Variants in POSTN observed in about 807,000 individuals in gnomAD.
POSTN encodes the protein osteoblast specific factor 2 (fasciclin I-like).
POSTN carries 71 observed loss-of-function variants against 104.5 expected under a neutral mutation model. That is an observed-to-expected ratio of 0.68 (90% CI 0.56 to 0.83). The LOEUF is 0.83. Ranked by LOEUF, POSTN falls within the 40% of genes least tolerant of loss-of-function variation. POSTN has a pLI of 0.00. For missense variants in POSTN, 949 were observed against 1,006.8 expected (o/e 0.94, Z 0.78); for synonymous variants, 355 against 340.7 (o/e 1.04, Z -0.46).
At position 37,577,692 on chromosome 13, in the gene POSTN, T is replaced by A. The variant is rs1950448566; in HGVS notation, c.2008+61A>T. On this transcript the variant is annotated intron_variant, in intron 16 of 22. Coordinates refer to ENST00000379747, the MANE Select transcript of POSTN (RefSeq NM_006475.3). ...AATAATCTCTGTAAATACAAAGAAA[T>A]GTATTGTTTTCTTTTTTCATACCTT... 5.0e-6 allele frequency: 8 copies of A among 1,586,282 alleles called. No homozygotes were observed. The South Asian group carries it at 8.1e-5, about 16-fold the overall frequency.
At chr13:37,574,278 A>C (rs1950342695) in intron 17 of POSTN, among the ~76,000 whole-genome samples, 1 of 151,728 alleles carries the variant, frequency 6.6e-6, no homozygotes, top group African/African-American at 2.4e-5. Flanking sequence ...AAGTAAAAAA[A>C]ACTCATGTCT....
At chr13:37,567,751 T>C (rs1189788143) in intron 21 of POSTN, among the ~76,000 whole-genome samples, 1 of 152,180 alleles carries the variant, frequency 6.6e-6, no homozygotes, top group Non-Finnish European at 1.5e-5. Context: ...AAGGAGTTCA[T>C]TAACTAAAAA....
chr13:37,589,815 A>G (rs1359334344), intron 4 of POSTN, among the ~76,000 whole-genome samples: 1 of 152,180 alleles, frequency 6.6e-6, no homozygotes, highest in Non-Finnish European at 1.5e-5. Flanking sequence ...AGTTTTATAG[A>G]TTCGGAAATT....
intron 17 of POSTN, among the ~76,000 whole-genome samples, chr13:37,573,466 T>A (rs1950313153): frequency 6.6e-6 from 1 of 151,388 alleles, no homozygotes; most frequent in African/African-American, 2.4e-5. Context: ...CAAGAATAAA[T>A]ACTAATATAG....
intron 2 of POSTN, among the ~76,000 whole-genome samples, chr13:37,595,335 G>A (rs1197787514): frequency 6.6e-6 from 1 of 152,174 alleles, no homozygotes; most frequent in Non-Finnish European, 1.5e-5. Context: ...GCATGGCAGA[G>A]ATCATTGTAA....
At position 37,592,174 on chromosome 13, in the gene POSTN, G is replaced by A. The variant is rs375366802; in HGVS notation, c.219-10C>T. 7.4e-6 allele frequency: 11 copies of A among 1,483,182 alleles called. No homozygotes were observed. The highest frequency in any genetic ancestry group is 1.8e-4 in the Middle Eastern group (1 of 5,442). 91.9% of individuals were successfully genotyped at this position (1,483,182 alleles called of 1,614,324 possible). A position where few individuals can be genotyped will look rare whatever the true frequency, so the allele number is the denominator to read the frequency against. ...TTCATATAACACAGTCCTGTACATA[G>A]GAAGAAAATTAATATTAAAATGAGA... On this transcript the variant is annotated splice_polypyrimidine_tract_variant and intron_variant, in intron 2 of 22. Coordinates refer to ENST00000379747, the MANE Select transcript of POSTN (RefSeq NM_006475.3).
Position 37,590,407 on chromosome 13 carries a change from CA to C in POSTN, c.405del (p.Phe135LeufsTer23), listed in dbSNP as rs1566033072. ...EIEGKGSFTY[F>X]APSNEAWDNL... ...TTGTCCCAAGCCTCATTACTCGGTG[CA>C]AAGTAAGTGAAGGATCCCTTTCCCT... On this transcript the variant is annotated frameshift_variant, in exon 4 of 23. Coordinates refer to ENST00000379747, the MANE Select transcript of POSTN (RefSeq NM_006475.3). LOFTEE classifies it high-confidence loss of function. 1 of 1,602,608 alleles carries C rather than the reference CA, an allele frequency of 6.2e-7. No homozygotes were observed. The highest frequency in any genetic ancestry group is 8.5e-7 in the Non-Finnish European group (1 of 1,173,670).
intron 17 of POSTN, 40 bp downstream of exon 17, chr13:37,574,532 T>C (rs769926643): frequency 1.6e-4 from 253 of 1,551,594 alleles, no homozygotes; most frequent in Non-Finnish European, 2.1e-4. Context: ...TTACAGATGT[T>C]TTTACTATAA....
chr13:37,596,204 A>T (rs1304607078), intron 2 of POSTN, among the ~76,000 whole-genome samples: 2 of 152,206 alleles, frequency 1.3e-5, no homozygotes, highest in African/African-American at 4.8e-5. Context: ...TGATGTATTA[A>T]GCAGGTTCTT....
rs116330002 is a variant in POSTN at position 37,582,574 on chromosome 13, C to T, written c.1244-60G>A. On this transcript the variant is annotated intron_variant, in intron 9 of 22. Transcript: ENST00000379747. ...TATTTAGAAAACATTGAAGTTTCTC[C>T]CGGTAAGACAGAATCATATAAACAG... 472 of 1,419,870 alleles carry T rather than the reference C, an allele frequency of 3.3e-4. 1 individual carries two copies. The African/African-American group carries it at 6.3e-3, about 19-fold the overall frequency. 88.0% of individuals were successfully genotyped at this position (1,419,870 alleles called of 1,614,324 possible).
At chr13:37,583,403 A>T (rs1193924705) in intron 9 of POSTN, among the ~76,000 whole-genome samples, 1 of 151,336 alleles carries the variant, frequency 6.6e-6, no homozygotes, top group South Asian at 2.1e-4. Context: ...TGGAAATATT[A>T]GATTCACAGA....
chr13:37,573,301 A>T (rs182973022), intron 17 of POSTN, among the ~76,000 whole-genome samples: 132 of 151,628 alleles, frequency 8.7e-4, no homozygotes, highest in Non-Finnish European at 3.0e-5. Context: ...ATGATCAAGG[A>T]ACATTTTTTC....
intron 17 of POSTN, 24 bp downstream of exon 17, chr13:37,574,548 A>G (rs373246380): frequency 6.4e-7 from 1 of 1,571,720 alleles, no homozygotes; most frequent in Non-Finnish European, 8.6e-7. Context: ...TATAAAAGGA[A>G]CCATGTATAA....
In POSTN at chr13:37,587,837, GTTA is replaced by G. The variant is rs1950793797; in HGVS notation, c.588_590del (p.Asn197del). 6.3e-7 allele frequency: 1 copy of G among 1,599,692 alleles called. No homozygotes were observed. The highest frequency in any genetic ancestry group is 1.1e-5 in the South Asian group (1 of 89,880). On this transcript the variant is annotated inframe_deletion, in exon 5 of 23. Coordinates refer to ENST00000379747, the MANE Select transcript of POSTN (RefSeq NM_006475.3). ...TAAAACTTACCCCATTAGGATAATGGTTAATGAAAAGCCCCAAATTGTTATACA... is the reference window on the plus strand; with the variant it reads ...TAAAACTTACCCCATTAGGATAATGGATGAAAAGCCCCAAATTGTTATACA...
At chr13:37,570,134 G>T (rs956549515) in intron 19 of POSTN, among the ~76,000 whole-genome samples, 1 of 151,980 alleles carries the variant, frequency 6.6e-6, no homozygotes, top group African/African-American at 2.4e-5. Context: ...CCAACTGGAC[G>T]CTAGTTTGGA....
chr13:37,588,199 G>C, intron 4 of POSTN, among the ~76,000 whole-genome samples: 1 of 152,050 alleles, frequency 6.6e-6, no homozygotes, highest in East Asian at 1.9e-4. Flanking sequence ...ATGTGATACA[G>C]TACTTAGAAC....
intron 21 of POSTN, among the ~76,000 whole-genome samples, chr13:37,566,140 T>C (rs1396264007): frequency 6.6e-6 from 1 of 152,186 alleles, no homozygotes; most frequent in Non-Finnish European, 1.5e-5. Flanking sequence ...GCTTGATTAA[T>C]GTGTAGAAAA....
chr13:37,586,875 A>G lies in POSTN; in HGVS notation c.660T>C (p.Asn220=). Residue 220 remains asparagine (N), a synonymous_variant, in exon 6 of 23, where the codon AAT becomes AAC. Transcript: ENST00000379747. The stretch of plus-strand genomic sequence containing the variant: ...CACGGTCAATGACATGGACAACACC[A>G]TTTGTTGCAATCTGGTTCCCATGGA... ...RIIHGNQIAT[N]GVVHVIDRVL... The G allele has an allele frequency of 6.2e-7, 1 of 1,613,236 alleles. No homozygotes were observed. Among genetic ancestry groups the G allele is most frequent in the Non-Finnish European group, 8.5e-7 (1 of 1,179,310 alleles).
chr13:37,587,848 G>A lies in POSTN; in HGVS notation c.580C>T (p.Leu194Phe). 1 of 1,602,924 alleles carries A rather than the reference G, an allele frequency of 6.2e-7. No individual in the cohort carries two copies. Among genetic ancestry groups the A allele is most frequent in the Non-Finnish European group, 8.5e-7 (1 of 1,171,416 alleles). Residue 194 changes from leucine (L) to phenylalanine (F), a missense_variant, in exon 5 of 23, where the codon CTT becomes TTT. Coordinates refer to ENST00000379747, the MANE Select transcript of POSTN (RefSeq NM_006475.3). ...CCATTAGGATAATGGTTAATGAAAAGCCCCAAATTGTTATACATTGAAGGA... is the reference window on the plus strand; with the variant it reads ...CCATTAGGATAATGGTTAATGAAAAACCCCAAATTGTTATACATTGAAGGA... ...IIPSMYNNLG[L>F]FINHYPNGVV...
Sources: allele counts gnomAD v4.1 joint callset (sites outside exome capture counted in the v4.1 genomes callset), GRCh38; gene constraint gnomAD v4.1.1; transcripts MANE v1.5; gene names NCBI Gene and HGNC (gene_info 2026-07-23, HGNC 2026-07-21).